GALNT9: variants seen among roughly 807,000 people sequenced by gnomAD.
GALNT9 encodes GalNAc transferase 9.
A neutral mutation model predicts 63.1 loss-of-function variants in GALNT9; 47 were observed. The observed-to-expected ratio is 0.75, with a 90% CI of 0.59 to 0.95. The LOEUF is 0.95. GALNT9 is among the 40% of genes least tolerant of loss of function. The pLI, the probability that GALNT9 is intolerant of heterozygous loss-of-function variation, is 0.00. For synonymous variants in GALNT9, 396 were observed against 365.7 expected (o/e 1.08, Z -0.94); for missense variants, 829 against 874.8 (o/e 0.95, Z 0.66).
At chr12:132,313,015 A>G (rs531774158) in intron 1 of GALNT9, among the ~76,000 whole-genome samples, 2 of 152,002 alleles carry the variant, frequency 1.3e-5, no homozygotes, top group African/African-American at 2.4e-5. Flanking sequence ...TCCTCACTCT[A>G]TAGAGTCTCC....
In GALNT9 at chr12:132,327,825, G is replaced by A. The variant is rs1341078097; in HGVS notation, c.238+1141C>T. 2.4e-4 allele frequency among the ~76,000 whole-genome samples: 24 copies of A among 98,642 alleles called. No homozygotes were observed. The highest frequency in any genetic ancestry group is 4.5e-3 in the Middle Eastern group (1 of 224). 64.7% of individuals were successfully genotyped at this position (98,642 alleles called of 152,430 possible). A position where few individuals can be genotyped will look rare whatever the true frequency, so the allele number is the denominator to read the frequency against. ...GATTCACCTCCCCCTCCCACCCCAC[G>A]GCCTGTCTGCAGCCCACCCTCAAGA... On this transcript the variant is annotated intron_variant, in intron 1 of 10. Transcript: ENST00000328957. The surrounding 1 kb of genome is among the most constrained non-coding windows in gnomAD (Gnocchi z 4.3).
In GALNT9 at chr12:132,196,735, G is replaced by T; in HGVS notation, c.*372C>A. On this transcript the variant is annotated 3_prime_UTR_variant, in exon 11 of 11. Transcript: ENST00000328957. ...AGGCCTGCGGGTGGAAGACACCAGGGTGCAGCCTGGTGCATGGTCCGGGGC... is the reference window on the plus strand; with the variant it reads ...AGGCCTGCGGGTGGAAGACACCAGGTTGCAGCCTGGTGCATGGTCCGGGGC... 1 of 1,026,948 alleles carries T rather than the reference G, an allele frequency of 9.7e-7. No homozygotes were observed. The highest frequency in any genetic ancestry group is 9.8e-5 in the East Asian group (1 of 10,220). The allele number at this position is 1,026,948 out of a possible 1,614,324, so 63.6% of individuals were successfully genotyped here.
intron 5 of GALNT9, among the ~76,000 whole-genome samples, chr12:132,256,932 C>T (rs1270910643): frequency 6.6e-6 from 1 of 152,248 alleles, no homozygotes; most frequent in Non-Finnish European, 1.5e-5. Flanking sequence ...CTTGCTGGCG[C>T]AGGCCAGTCT....
intron 6 of GALNT9, among the ~76,000 whole-genome samples, chr12:132,227,615 G>A (rs895414216): frequency 7.9e-5 from 12 of 152,140 alleles, no homozygotes; most frequent in Non-Finnish European, 1.8e-4. Context: ...AAGAAAACTG[G>A]TGTTTAAGGA....
chr12:132,213,507 AGG>A (rs1319890973), intron 6 of GALNT9, among the ~76,000 whole-genome samples: 21 of 130,170 alleles, frequency 1.6e-4, no homozygotes, highest in Admixed American at 1.1e-3. Flanking sequence ...ACTCACACAC[AGG>A]CGCACTCACA....
chr12:132,215,951 G>A (rs996693058), intron 6 of GALNT9, among the ~76,000 whole-genome samples: 11 of 152,186 alleles, frequency 7.2e-5, no homozygotes, highest in Non-Finnish European at 1.5e-4. Context: ...CCCCTGTCCA[G>A]GACTCAGCCA....
intron 1 of GALNT9, among the ~76,000 whole-genome samples, chr12:132,303,075 CTG>C (rs1555243987): frequency 7.8e-6 from 1 of 127,688 alleles, no homozygotes; most frequent in African/African-American, 2.9e-5. Flanking sequence ...CACCCTCTGT[CTG>C]TCTCTCTCTC....
chr12:132,222,540 A>T (rs984258314), intron 6 of GALNT9, among the ~76,000 whole-genome samples: 2 of 152,054 alleles, frequency 1.3e-5, no homozygotes, highest in Admixed American at 6.5e-5. Flanking sequence ...CAGGGCTAAG[A>T]GCTCCTCACA....
intron 4 of GALNT9, 37 bp downstream of exon 4, chr12:132,260,911 C>G (rs545746813): frequency 4.8e-5 from 71 of 1,488,206 alleles, no homozygotes; most frequent in Non-Finnish European, 6.3e-5. Context: ...GAGGGGGACC[C>G]GCTGAGACTG....
rs184432201 is a variant in GALNT9 at position 132,327,040 on chromosome 12, C to T, written c.238+1926G>A. On this transcript the variant is annotated intron_variant, in intron 1 of 10. Transcript: ENST00000328957. The surrounding 1 kb of genome is among the most constrained non-coding windows in gnomAD (Gnocchi z 4.3). Reference sequence around the variant, plus strand: ...CTGGCCTGCTGGTCACAGAGAGGAACGCAGCACAGCCTCATCACAGAGGGG... The same window carrying T: ...CTGGCCTGCTGGTCACAGAGAGGAATGCAGCACAGCCTCATCACAGAGGGG... Among the ~76,000 whole-genome samples, 126 of 152,160 alleles carry T rather than the reference C, an allele frequency of 8.3e-4. 1 individual carries two copies. The highest frequency in any genetic ancestry group is 3.4e-3 in the Middle Eastern group (1 of 294).
intron 6 of GALNT9, among the ~76,000 whole-genome samples, chr12:132,218,734 G>A (rs1877319047): frequency 6.6e-6 from 1 of 152,196 alleles, no homozygotes; most frequent in Non-Finnish European, 1.5e-5. Flanking sequence ...TGTCCAACAG[G>A]AAACCATCTC....
intron 6 of GALNT9, 21 bp from the exon 7 acceptor site, chr12:132,203,711 G>C (rs779964669): frequency 6.2e-7 from 1 of 1,605,516 alleles, no homozygotes; most frequent in East Asian, 2.2e-5. Context: ...ACGGCGCTGG[G>C]TGCCGGCGTC....
At chr12:132,288,110 G>A (rs1262383181) in intron 1 of GALNT9, among the ~76,000 whole-genome samples, 2 of 152,142 alleles carry the variant, frequency 1.3e-5, no homozygotes, top group Non-Finnish European at 1.5e-5. Flanking sequence ...CTCTCGCGGC[G>A]CCAGCTCCTG....
At position 132,322,172 on chromosome 12, in the gene GALNT9, C is replaced by T. The variant is rs550969134; in HGVS notation, c.238+6794G>A. On this transcript the variant is annotated intron_variant, in intron 1 of 10. Coordinates refer to ENST00000328957, the MANE Select transcript of GALNT9 (RefSeq NM_001122636.2). ...GGTGGACGTGAGCTTCCGGGCGGGCCCCGTTCAACCCGTAACCATCCCCGC... is the reference window on the plus strand; with the variant it reads ...GGTGGACGTGAGCTTCCGGGCGGGCTCCGTTCAACCCGTAACCATCCCCGC... Among the ~76,000 whole-genome samples, 30 of 152,338 alleles carry T rather than the reference C, an allele frequency of 2.0e-4. No homozygotes were observed. In the East Asian group the frequency reaches 5.4e-3, roughly 27 times the overall value.
chr12:132,300,651 C>A (rs1045092391), intron 1 of GALNT9, among the ~76,000 whole-genome samples: 1 of 145,324 alleles, frequency 6.9e-6, no homozygotes. Context: ...CACACCTAAC[C>A]CACCCCTGAG....
rs544336054 is a variant in GALNT9, at chr12:132,246,687, C to T, written c.1077+1223G>A. ...AGCTGGGATTATAGGCATGCACCAC[C>T]ATGCCTGGTTAATTTTTGTATTTTT... On this transcript the variant is annotated intron_variant, in intron 6 of 10. Coordinates refer to ENST00000328957, the MANE Select transcript of GALNT9 (RefSeq NM_001122636.2). The surrounding 1 kb of genome is among the most constrained non-coding windows in gnomAD (Gnocchi z 4.7). Among the ~76,000 whole-genome samples, 1 of 152,340 alleles carries T rather than the reference C, an allele frequency of 6.6e-6. No homozygotes were observed. Among genetic ancestry groups the T allele is most frequent in the South Asian group, 2.1e-4 (1 of 4,828 alleles).
At chr12:132,321,109 C>A (rs1194910162) in intron 1 of GALNT9, among the ~76,000 whole-genome samples, 1 of 152,196 alleles carries the variant, frequency 6.6e-6, no homozygotes, top group East Asian at 1.9e-4. Flanking sequence ...CCACAACCCA[C>A]CCAGGGGGCG....
chr12:132,233,070 T>C (rs1177948709), intron 6 of GALNT9, among the ~76,000 whole-genome samples: 6 of 10,582 alleles, frequency 5.7e-4, no homozygotes, highest in African/African-American at 1.4e-3. Flanking sequence ...CAGCGTGGAG[T>C]CCCTAGTGCC....
chr12:132,280,550 G>T (rs1448201331), intron 2 of GALNT9: 1 of 152,264 alleles, frequency 6.6e-6, no homozygotes, highest in Non-Finnish European at 1.5e-5. Context: ...GGGGAACGGG[G>T]CCCCACGTCC....
Sources: allele counts gnomAD v4.1 joint callset (sites outside exome capture counted in the v4.1 genomes callset), GRCh38; gene constraint gnomAD v4.1.1; non-coding constraint Gnocchi (gnomAD v3.1); transcripts MANE v1.5; gene names NCBI Gene and HGNC (gene_info 2026-07-23, HGNC 2026-07-21).